CHIC1: variants seen among roughly 807,000 people sequenced by gnomAD.
The protein encoded by CHIC1 is cysteine-rich hydrophobic domain-containing protein 1.
Under a neutral mutation model 18.5 loss-of-function variants are expected in CHIC1, and 7 were observed. The ratio of observed to expected loss-of-function variants is 0.38; its 90% CI spans 0.22 to 0.71. The LOEUF is 0.71. Among genes scored for constraint, CHIC1 ranks in the 30% least tolerant of loss-of-function variants. The pLI is 0.49. For missense variants in CHIC1, 159 were observed against 176.9 expected (o/e 0.90, Z 0.57); for synonymous variants, 77 against 73.5 (o/e 1.05, Z -0.25).
intron 3 of CHIC1, among the ~76,000 whole-genome samples, chrX:73,587,295 G>A (rs746524139): frequency 9.0e-6 from 1 of 111,611 alleles, no homozygotes; most frequent in South Asian, 3.7e-4. Flanking sequence ...ATAGGTCAGA[G>A]TGCCTTGAGT....
chrX:73,670,797 A>G (rs1203359106), intron 3 of CHIC1, among the ~76,000 whole-genome samples: 1 of 110,907 alleles, frequency 9.0e-6, no homozygotes, highest in Non-Finnish European at 1.9e-5. Flanking sequence ...CACATTATTT[A>G]ATTTCCATGT....
At chrX:73,599,858 A>G (rs1236319839) in intron 3 of CHIC1, among the ~76,000 whole-genome samples, 14 of 102,895 alleles carry the variant, frequency 1.4e-4, no homozygotes, top group African/African-American at 3.9e-5. Flanking sequence ...AGTTTTTTCC[A>G]ATTCTGTGAA....
At chrX:73,661,266 T>A (rs1385937730) in intron 3 of CHIC1, among the ~76,000 whole-genome samples, 2 of 112,410 alleles carry the variant, frequency 1.8e-5, no homozygotes, top group Non-Finnish European at 3.7e-5. Flanking sequence ...TAAGTGAGAA[T>A]CATTATCAAC....
chrX:73,584,448 G>T lies in CHIC1; in HGVS notation c.383G>T (p.Gly128Val), dbSNP rs772656833. 1.4e-5 allele frequency: 16 copies of T among 1,184,280 alleles called. No homozygotes were observed. Among genetic ancestry groups the T allele is most frequent in the Non-Finnish European group, 1.8e-5 (16 of 880,668 alleles). Reference protein sequence around the residue: ...VAPEEFKTSIGRVNACLKKAL... With the variant: ...VAPEEFKTSIVRVNACLKKAL... ...CCAGAAGAATTTAAAACCAGCATTGGCCGTGTGAATGCATGTTTGAAAAAG... is the reference window on the plus strand; with the variant it reads ...CCAGAAGAATTTAAAACCAGCATTGTCCGTGTGAATGCATGTTTGAAAAAG... The change falls in exon 3 of 6, where the codon GGC (glycine) becomes GTC (valine). Residue 128 changes from glycine (G) to valine (V), a missense_variant. Gly to Val is a moderately radical substitution (Grantham distance 109, BLOSUM62 -3). Transcript: ENST00000373502.
chrX:73,674,857 C>G (rs1009658157), intron 3 of CHIC1, among the ~76,000 whole-genome samples: 1 of 111,470 alleles, frequency 9.0e-6, no homozygotes, highest in Admixed American at 9.5e-5. Context: ...TTCCTGCTTT[C>G]TCTTGTGGGC....
At chrX:73,563,955 A>G (rs1424318647) in intron 1 of CHIC1, among the ~76,000 whole-genome samples, 4 of 111,879 alleles carry the variant, frequency 3.6e-5, no homozygotes, top group Non-Finnish European at 7.5e-5. Context: ...TGTGGGAAAC[A>G]GCAATTGCTG....
chrX:73,568,607 A>G (rs1051088218), intron 1 of CHIC1, among the ~76,000 whole-genome samples: 5 of 111,289 alleles, frequency 4.5e-5, no homozygotes, highest in African/African-American at 1.6e-4. Context: ...ACAGAAAAAA[A>G]TATTACATCA....
chrX:73,644,245 G>T (rs777975967), intron 3 of CHIC1, among the ~76,000 whole-genome samples: 5 of 112,008 alleles, frequency 4.5e-5, no homozygotes, highest in African/African-American at 1.3e-4. Flanking sequence ...TCCTCTGGAA[G>T]TTTTGTCACA....
chrX:73,674,114 G>C (rs1169876362), intron 3 of CHIC1, among the ~76,000 whole-genome samples: 2 of 111,859 alleles, frequency 1.8e-5, no homozygotes, highest in African/African-American at 6.5e-5. Flanking sequence ...TGATCATGGT[G>C]GATAAGCTTT....
rs763806248 is a variant in CHIC1 at position 73,684,539 on chromosome X, A to C, written c.*3534A>C. ...TAAAGCTCCCAAACAATATTGTATT[A>C]AAATGTACTATATTGACCTAGGAGG... On this transcript the variant is annotated 3_prime_UTR_variant, in exon 6 of 6. Transcript: ENST00000373502. 1 of 111,651 alleles carries C rather than the reference A, an allele frequency of 9.0e-6. No individual in the cohort carries two copies. The highest frequency in any genetic ancestry group is 2.8e-4 in the East Asian group (1 of 3,545). The allele number at this position is 111,651 out of a possible 1,213,427, so 9.2% of individuals were successfully genotyped here.
At chrX:73,575,285 G>A (rs773283830) in intron 1 of CHIC1, among the ~76,000 whole-genome samples, 1 of 110,049 alleles carries the variant, frequency 9.1e-6, no homozygotes, top group South Asian at 3.7e-4. Flanking sequence ...TTTTCTGGTT[G>A]TTAGCTTCTT....
intron 1 of CHIC1, among the ~76,000 whole-genome samples, chrX:73,564,115 G>A (rs1035487293): frequency 8.9e-6 from 1 of 111,981 alleles, no homozygotes; most frequent in African/African-American, 3.3e-5. Context: ...TAGAGGTTCA[G>A]GATGAGAGGC....
intron 3 of CHIC1, among the ~76,000 whole-genome samples, chrX:73,586,134 A>C (rs2057551992): frequency 1.8e-5 from 2 of 111,631 alleles, no homozygotes; most frequent in South Asian, 7.4e-4. Flanking sequence ...CCTCTTGTAA[A>C]ATCTAAAGAT....
At chrX:73,585,765 C>T (rs2057549930) in intron 3 of CHIC1, among the ~76,000 whole-genome samples, 1 of 110,953 alleles carries the variant, frequency 9.0e-6, no homozygotes, top group African/African-American at 3.3e-5. Flanking sequence ...GACCTGTTTA[C>T]ACTTTGTCTA....
At chrX:73,663,126 A>G (rs777215622) in intron 3 of CHIC1, among the ~76,000 whole-genome samples, 37 of 111,921 alleles carry the variant, frequency 3.3e-4, no homozygotes, top group African/African-American at 1.2e-3. Flanking sequence ...GGGGGAAGGG[A>G]GGCCCTGTTG....
chrX:73,652,884 T>C (rs2057924332), intron 3 of CHIC1, among the ~76,000 whole-genome samples: 1 of 111,803 alleles, frequency 8.9e-6, no homozygotes, highest in Non-Finnish European at 1.9e-5. Flanking sequence ...ACTGGATATA[T>C]ACCTGAAGGA....
chrX:73,661,065 TG>T (rs758298029), intron 3 of CHIC1, among the ~76,000 whole-genome samples: 5 of 111,660 alleles, frequency 4.5e-5, no homozygotes, highest in Admixed American at 2.9e-4. Context: ...GGCCTGTCCT[TG>T]GGGGTTATAC....
Position 73,659,957 on chromosome X carries a change from G to T in CHIC1, c.508-19369G>T, listed in dbSNP as rs1316202296. Among the ~76,000 whole-genome samples, 93 of 111,727 alleles carry T rather than the reference G, an allele frequency of 8.3e-4. 4 individuals carry two copies. The highest frequency in any genetic ancestry group is 3.8e-5 in the Non-Finnish European group (2 of 53,160). ...GATGCCATGATAGACGCGGACATCA[G>T]TATGATCACCCTGAAATGGCTGTGG... On this transcript the variant is annotated intron_variant, in intron 3 of 5. Transcript: ENST00000373502.
chrX:73,587,225 T>C (rs914069816), intron 3 of CHIC1, among the ~76,000 whole-genome samples: 2 of 112,361 alleles, frequency 1.8e-5, no homozygotes, highest in African/African-American at 6.4e-5. Flanking sequence ...GTCTGCCTTA[T>C]AATTTTTTGG....
Sources: allele counts gnomAD v4.1 joint callset (sites outside exome capture counted in the v4.1 genomes callset), GRCh38; gene constraint gnomAD v4.1.1; transcripts MANE v1.5; gene names NCBI Gene and HGNC (gene_info 2026-07-23, HGNC 2026-07-21).